Variants in ELOVL6 observed in about 807,000 individuals in gnomAD.
ELOVL6 encodes the protein ELOVL fatty acid elongase 6, also known as very long chain fatty acid elongase 6.
ELOVL6 carries 8 observed loss-of-function variants against 31.7 expected under a neutral mutation model. That is an observed-to-expected ratio of 0.25 (90% confidence interval 0.15 to 0.45). The LOEUF is 0.45. ELOVL6 is among the 20% of genes least tolerant of loss of function. The pLI is 1.00. For missense variants in ELOVL6, 126 were observed against 326.4 expected, an observed-to-expected ratio of 0.39 and a Z score of 4.73; for synonymous variants, 101 against 117.7, an observed-to-expected ratio of 0.86 and a Z score of 0.92.
At chr4:110,176,437 G>A (rs1453337018) in intron 1 of ELOVL6, among the ~76,000 whole-genome samples, 1 of 152,170 alleles carries the variant, frequency 6.6e-6, no homozygotes, top group East Asian at 1.9e-4. Flanking sequence ...TGAGATTACA[G>A]GCATGAGCCA....
chr4:110,150,986 T>C (rs890292201), intron 1 of ELOVL6, among the ~76,000 whole-genome samples: 6 of 150,544 alleles, frequency 4.0e-5, no homozygotes, highest in Admixed American at 1.3e-4. Context: ...GAGGTTGCAG[T>C]GAGCCAAGAT....
chr4:110,176,603 T>C (rs570323279), intron 1 of ELOVL6, among the ~76,000 whole-genome samples: 3 of 152,348 alleles, frequency 2.0e-5, no homozygotes, highest in African/African-American at 7.2e-5. Context: ...AGATAACTTA[T>C]AGCCAACCCA....
At chr4:110,081,390 C>G (rs962617397) in intron 2 of ELOVL6, among the ~76,000 whole-genome samples, 22 of 152,170 alleles carry the variant, frequency 1.4e-4, no homozygotes, top group African/African-American at 5.3e-4. Flanking sequence ...GGTACCAAAA[C>G]AGAGATATAG....
chr4:110,173,455 A>T (rs72900560), intron 1 of ELOVL6, among the ~76,000 whole-genome samples: 4,423 of 151,838 alleles, frequency 0.029, 195 homozygotes, highest in African/African-American at 0.1. Flanking sequence ...AGACCTGATA[A>T]GAATGGTTTC....
rs1372065552 is a variant in ELOVL6 at position 110,084,134 on chromosome 4, A to ATATATGATATATATAACATATAT, written c.221+21362_221+21363insATATATGTTATATATATCATATA. On this transcript the variant is annotated intron_variant, in intron 2 of 3. Transcript: ENST00000302274. ...ATGATATATATAACATATATGTGAT[A>ATATATGATATATATAACATATAT]ATGATATATATGATATATATAACAT... 2.9e-3 allele frequency among the ~76,000 whole-genome samples: 135 copies of ATATATGATATATATAACATATAT among 45,922 alleles called. 9 individuals carry two copies. Among genetic ancestry groups the ATATATGATATATATAACATATAT allele is most frequent in the East Asian group, 0.011 (9 of 828 alleles). The allele number at this position is 45,922 out of a possible 152,430, so 30.1% of individuals were successfully genotyped here. A position where few individuals can be genotyped will look rare whatever the true frequency, so the allele number is the denominator to read the frequency against.
intron 2 of ELOVL6, among the ~76,000 whole-genome samples, chr4:110,093,297 A>T (rs1398567330): frequency 6.6e-6 from 1 of 152,228 alleles, no homozygotes; most frequent in Non-Finnish European, 1.5e-5. Flanking sequence ...TGGGATAAAA[A>T]GTCTATGTAT....
chr4:110,087,252 T>A (rs1197153363), intron 2 of ELOVL6, among the ~76,000 whole-genome samples: 1 of 152,138 alleles, frequency 6.6e-6, no homozygotes, highest in African/African-American at 2.4e-5. Flanking sequence ...GGGAGCCTGA[T>A]TGAAACCCTC....
chr4:110,060,760 C>T (rs965373927), intron 2 of ELOVL6, among the ~76,000 whole-genome samples: 1 of 152,152 alleles, frequency 6.6e-6, no homozygotes, highest in Non-Finnish European at 1.5e-5. Flanking sequence ...CCTGCCTAGC[C>T]TTTTCTGCCC....
At chr4:110,079,643 G>A (rs1755769469) in intron 2 of ELOVL6, among the ~76,000 whole-genome samples, 1 of 152,090 alleles carries the variant, frequency 6.6e-6, no homozygotes, top group Non-Finnish European at 1.5e-5. Flanking sequence ...AAGCAGAAAA[G>A]ATCTAATTGA....
At chr4:110,150,059 T>C (rs1054948349) in intron 1 of ELOVL6, among the ~76,000 whole-genome samples, 4 of 152,126 alleles carry the variant, frequency 2.6e-5, no homozygotes, top group Non-Finnish European at 5.9e-5. Context: ...ATTTACTTCA[T>C]GCATTTTATT....
intron 1 of ELOVL6, among the ~76,000 whole-genome samples, chr4:110,165,516 G>C (rs1218826801): frequency 6.6e-6 from 1 of 152,174 alleles, no homozygotes; most frequent in Non-Finnish European, 1.5e-5. Context: ...AGCACTGCAA[G>C]AAACAGGAGG....
rs370020466 is a variant in ELOVL6, at chr4:110,051,312, C to G, written c.*26G>C. The G allele has an allele frequency of 4.0e-5, 64 of 1,605,506 alleles. No homozygotes were observed. Among genetic ancestry groups the G allele is most frequent in the Non-Finnish European group, 4.7e-5 (55 of 1,174,768 alleles). On this transcript the variant is annotated 3_prime_UTR_variant, in exon 4 of 4. Transcript: ENST00000302274. The surrounding 1 kb of genome is among the most constrained non-coding windows in gnomAD (Gnocchi z 4.8). ...TATTATTTTTCTTGATGACCCTGAG[C>G]TATGGCTTCCTCCTCAGTTCCAACA... is the stretch of plus-strand genomic sequence containing the variant.
chr4:110,138,965 A>G (rs1041821137), intron 1 of ELOVL6, among the ~76,000 whole-genome samples: 1 of 152,186 alleles, frequency 6.6e-6, no homozygotes, highest in African/African-American at 2.4e-5. Flanking sequence ...TTAGGTATTG[A>G]TATAGATACA....
At chr4:110,106,480 C>G (rs889925198) in intron 1 of ELOVL6, among the ~76,000 whole-genome samples, 10 of 152,146 alleles carry the variant, frequency 6.6e-5, no homozygotes, top group Admixed American at 5.2e-4. Context: ...AGGAACAGAA[C>G]TGAGGGTTCC....
At chr4:110,191,245 C>T (rs1759612867) in intron 1 of ELOVL6, among the ~76,000 whole-genome samples, 1 of 152,046 alleles carries the variant, frequency 6.6e-6, no homozygotes, top group Non-Finnish European at 1.5e-5. Context: ...AACATTTGTA[C>T]CTGCCTGAAT....
chr4:110,171,240 T>A lies in ELOVL6; in HGVS notation c.89+27007A>T, dbSNP rs188492614. 6.5e-3 allele frequency among the ~76,000 whole-genome samples: 993 copies of A among 152,058 alleles called. 14 individuals carry two copies. Among genetic ancestry groups the A allele is most frequent in the African/African-American group, 0.023 (954 of 41,452 alleles). ...GCCTGACCAACATGGTGAAACCCCA[T>A]CTCTACTAACAATACAAAATTAGCT... On this transcript the variant is annotated intron_variant, in intron 1 of 3. Transcript: ENST00000302274.
intron 1 of ELOVL6, among the ~76,000 whole-genome samples, chr4:110,107,667 T>C (rs1033376615): frequency 2.0e-5 from 3 of 152,204 alleles, no homozygotes; most frequent in Non-Finnish European, 2.9e-5. Context: ...ATTAAATTAC[T>C]TAAGAGTCAC....
chr4:110,065,628 C>T (rs781633984), intron 2 of ELOVL6, among the ~76,000 whole-genome samples: 107 of 152,198 alleles, frequency 7.0e-4, no homozygotes, highest in Non-Finnish European at 1.4e-3. Flanking sequence ...TTTCTCAAAA[C>T]GACAACAACA....
chr4:110,118,954 G>A (rs1757265737), intron 1 of ELOVL6, among the ~76,000 whole-genome samples: 1 of 152,178 alleles, frequency 6.6e-6, no homozygotes. Context: ...CCAGCTACTC[G>A]AGAGGCAGAG....
Sources: gnomAD v4.1 joint callset for allele counts (sites outside exome capture counted in the v4.1 genomes callset) on GRCh38, gnomAD v4.1.1 for gene constraint, Gnocchi (gnomAD v3.1) non-coding constraint, MANE v1.5 for transcripts, NCBI Gene and HGNC (gene_info 2026-07-23, HGNC 2026-07-21) for gene names.